Variants in RASGEF1A observed in about 807,000 individuals in gnomAD.
RASGEF1A encodes RasGEF domain family member 1A.
A neutral mutation model predicts 56.4 loss-of-function variants in RASGEF1A; 18 were observed. The ratio of observed to expected loss-of-function variants is 0.32; its 90% confidence interval spans 0.22 to 0.47. RASGEF1A has a LOEUF of 0.47. Ranked by LOEUF, RASGEF1A falls within the 20% of genes least tolerant of loss-of-function variation. The pLI is 1.00. For missense variants in RASGEF1A, 422 were observed against 627.1 expected (o/e 0.67, Z 3.49); for synonymous variants, 245 against 242.6 (o/e 1.01, Z -0.09).
intron 1 of RASGEF1A, among the ~76,000 whole-genome samples, chr10:43,236,443 C>CA (rs1392785298): frequency 6.6e-6 from 1 of 152,246 alleles, no homozygotes; most frequent in African/African-American, 2.4e-5. Context: ...TAGTTGCATG[C>CA]ATGCATTACG....
intron 10 of RASGEF1A, among the ~76,000 whole-genome samples, chr10:43,197,659 G>A (rs897519753): frequency 6.6e-6 from 1 of 152,148 alleles, no homozygotes; most frequent in African/African-American, 2.4e-5. Flanking sequence ...CCCTGCTCAA[G>A]TCCCTTCCTA....
rs377607857 is a variant in RASGEF1A at position 43,206,962 on chromosome 10, C to T, written c.-6-840G>A. On this transcript the variant is annotated intron_variant, in intron 1 of 12. Transcript: ENST00000395810. Reference sequence around the variant, plus strand: ...TGGGACTGTCCTCCACAGCATGGCCCGCTGTGATGGGGCTCAGGGTCTCAC... The same window carrying T: ...TGGGACTGTCCTCCACAGCATGGCCTGCTGTGATGGGGCTCAGGGTCTCAC... 2.8e-4 allele frequency: 278 copies of T among 985,314 alleles called. 1 individual carries two copies. The highest frequency in any genetic ancestry group is 3.3e-4 in the Non-Finnish European group (270 of 829,962). 61.0% of individuals were successfully genotyped at this position (985,314 alleles called of 1,614,324 possible).
At chr10:43,244,312 AC>A (rs974771244) in intron 1 of RASGEF1A, among the ~76,000 whole-genome samples, 2 of 143,320 alleles carry the variant, frequency 1.4e-5, no homozygotes, top group Non-Finnish European at 3.2e-5. Flanking sequence ...TTATCTGCTG[AC>A]CTTCTCTCCA....
chr10:43,213,223 T>C (rs1840092071), intron 1 of RASGEF1A, among the ~76,000 whole-genome samples: 1 of 151,356 alleles, frequency 6.6e-6, no homozygotes, highest in African/African-American at 2.4e-5. Flanking sequence ...TCAAAAGAGA[T>C]AGAAGAAATG....
intron 1 of RASGEF1A, chr10:43,208,184 G>A (rs1481549950): frequency 2.0e-6 from 2 of 985,374 alleles, no homozygotes; most frequent in African/African-American, 3.5e-5. Flanking sequence ...GCGACCAGCA[G>A]GTGGTAACCT....
chr10:43,254,744 G>A, intron 1 of RASGEF1A, among the ~76,000 whole-genome samples: 1 of 152,180 alleles, frequency 6.6e-6, no homozygotes, highest in East Asian at 1.9e-4. Flanking sequence ...AGGTAAAACG[G>A]GTCTCTGTGG....
At chr10:43,260,738 C>T (rs12248780) in intron 1 of RASGEF1A, among the ~76,000 whole-genome samples, 48 of 152,244 alleles carry the variant, frequency 3.2e-4, no homozygotes, top group African/African-American at 9.9e-4. Context: ...GCTCTCCAGA[C>T]GTCAGCAGGC....
chr10:43,238,218 C>T (rs114080615), intron 1 of RASGEF1A, among the ~76,000 whole-genome samples: 1,986 of 151,928 alleles, frequency 0.013, 36 homozygotes, highest in African/African-American at 0.045. Flanking sequence ...GGGGAGTTAG[C>T]CGTGGCTAGT....
chr10:43,233,583 A>G (rs1840397834), intron 1 of RASGEF1A, among the ~76,000 whole-genome samples: 1 of 152,194 alleles, frequency 6.6e-6, no homozygotes, highest in African/African-American at 2.4e-5. Flanking sequence ...CACCCTGCAC[A>G]CCCAGCAGCA....
At chr10:43,210,697 G>T (rs1200129189) in intron 1 of RASGEF1A, among the ~76,000 whole-genome samples, 1 of 152,242 alleles carries the variant, frequency 6.6e-6, no homozygotes, top group East Asian at 1.9e-4. Flanking sequence ...CCCATCTCGA[G>T]GCAGCAGACC....
chr10:43,233,631 CG>C (rs1564538530), intron 1 of RASGEF1A, among the ~76,000 whole-genome samples: 1 of 152,178 alleles, frequency 6.6e-6, no homozygotes, highest in African/African-American at 2.4e-5. Context: ...CACGTGCTGA[CG>C]AGATAGCACA....
intron 1 of RASGEF1A, among the ~76,000 whole-genome samples, chr10:43,227,828 G>A (rs1158345437): frequency 6.6e-6 from 1 of 152,030 alleles, no homozygotes; most frequent in Non-Finnish European, 1.5e-5. Context: ...TCCTTCCTGC[G>A]CCAGCCTGAC....
At chr10:43,216,662 G>A (rs1457907359) in intron 1 of RASGEF1A, among the ~76,000 whole-genome samples, 1 of 152,338 alleles carries the variant, frequency 6.6e-6, no homozygotes, top group East Asian at 1.9e-4. Flanking sequence ...GGATGTGGCA[G>A]TGGGCCACGT....
At chr10:43,203,035 C>A (rs1365228496) in intron 3 of RASGEF1A, among the ~76,000 whole-genome samples, 2 of 142,226 alleles carry the variant, frequency 1.4e-5, no homozygotes, top group Non-Finnish European at 3.1e-5. Context: ...CCCCACCCTG[C>A]AGCCCCAGCT....
chr10:43,201,143 G>A (rs1226498984), intron 4 of RASGEF1A, among the ~76,000 whole-genome samples: 1 of 152,234 alleles, frequency 6.6e-6, no homozygotes, highest in Non-Finnish European at 1.5e-5. Flanking sequence ...GCTCAAGACT[G>A]AGCTTCTGGG....
intron 1 of RASGEF1A, among the ~76,000 whole-genome samples, chr10:43,221,037 G>A (rs972334448): frequency 1.3e-5 from 2 of 152,162 alleles, no homozygotes; most frequent in African/African-American, 2.4e-5. Context: ...CAGAAGCACT[G>A]CCCTCGAGAA....
chr10:43,206,972 G>A (rs909748278), intron 1 of RASGEF1A: 3 of 985,456 alleles, frequency 3.0e-6, no homozygotes, highest in Non-Finnish European at 3.6e-6. Flanking sequence ...CGCTGTGATG[G>A]GGCTCAGGGT....
rs576336214 is a variant in RASGEF1A at position 43,252,984 on chromosome 10, G to A, written c.-7+13861C>T. On this transcript the variant is annotated intron_variant, in intron 1 of 12. Transcript: ENST00000395810. ...CTCCTCACAGAGCACCGCACCCCAC[G>A]CCTTCAGGACCAGCGAGTTCAAAGG... is the stretch of plus-strand genomic sequence containing the variant. Among the ~76,000 whole-genome samples the A allele has an allele frequency of 3.3e-5, 5 of 152,244 alleles. No individual in the cohort carries two copies. In the East Asian group the frequency reaches 5.8e-4, roughly 18 times the overall value.
intron 1 of RASGEF1A, among the ~76,000 whole-genome samples, chr10:43,251,706 C>T (rs1185272860): frequency 2.0e-5 from 3 of 152,170 alleles, no homozygotes; most frequent in Non-Finnish European, 4.4e-5. Flanking sequence ...GGGGAGCTCA[C>T]CCTGTCCAGA....
Sources: gnomAD v4.1 joint callset for allele counts (sites outside exome capture counted in the v4.1 genomes callset) on GRCh38, gnomAD v4.1.1 for gene constraint, MANE v1.5 for transcripts, NCBI Gene and HGNC (gene_info 2026-07-23, HGNC 2026-07-21) for gene names.